The following AFG2A variants were observed in gnomAD, a reference collection of about 807,000 sequenced individuals.
AFG2A encodes the protein AAA ATPase AFG2A, also known as ATPase family gene 2 protein homolog A.
At chr4:123,173,324 G>T in the AFG2A span, among the ~76,000 whole-genome samples, 1 of 133,464 alleles carries the variant, frequency 7.5e-6, no homozygotes, top group Non-Finnish European at 1.6e-5. Flanking sequence ...ATCAAATTTA[G>T]TGAATAAGTC....
the AFG2A span, among the ~76,000 whole-genome samples, chr4:122,946,432 C>G: frequency 6.6e-6 from 1 of 152,194 alleles, no homozygotes; most frequent in Admixed American, 6.5e-5. Context: ...TTTTGTACTT[C>G]TAAACTTATA....
the AFG2A span, among the ~76,000 whole-genome samples, chr4:123,064,653 G>A: frequency 2.6e-5 from 4 of 152,150 alleles, no homozygotes; most frequent in Non-Finnish European, 4.4e-5. Context: ...TCTGACTGAC[G>A]AAATGAGTAC....
the AFG2A span, among the ~76,000 whole-genome samples, chr4:122,942,441 C>T: frequency 2.0e-5 from 3 of 151,446 alleles, no homozygotes; most frequent in East Asian, 5.8e-4. Flanking sequence ...GTAGTATTCT[C>T]TGATGGTAGT....
the AFG2A span, among the ~76,000 whole-genome samples, chr4:123,018,355 A>G: frequency 5.6e-4 from 85 of 152,234 alleles, no homozygotes; most frequent in Non-Finnish European, 1.1e-3. Flanking sequence ...AATAATTTAG[A>G]CTATATTGTA....
the AFG2A span, among the ~76,000 whole-genome samples, chr4:123,252,483 A>AC: frequency 2.0e-5 from 3 of 152,042 alleles, no homozygotes; most frequent in Non-Finnish European, 4.4e-5. Context: ...TTCTTACGTG[A>AC]TTTTTTCCAA....
At chr4:123,134,034 A>G in the AFG2A span, among the ~76,000 whole-genome samples, 1 of 152,074 alleles carries the variant, frequency 6.6e-6, no homozygotes, top group Non-Finnish European at 1.5e-5. Context: ...TCTTTATTAG[A>G]TGTATGATTT....
chr4:123,229,160 C>T, the AFG2A span, among the ~76,000 whole-genome samples: 1 of 151,844 alleles, frequency 6.6e-6, no homozygotes, highest in Admixed American at 6.6e-5. Context: ...TATAAGTAGT[C>T]TAAGTGTTCT....
At chr4:122,926,512 C>G in the AFG2A span, among the ~76,000 whole-genome samples, 8 of 152,130 alleles carry the variant, frequency 5.3e-5, no homozygotes, top group Non-Finnish European at 1.0e-4. Context: ...AGATTTGCAC[C>G]TCATATAAGA....
the AFG2A span, among the ~76,000 whole-genome samples, chr4:123,019,164 A>G: frequency 6.6e-6 from 1 of 152,108 alleles, no homozygotes; most frequent in Non-Finnish European, 1.5e-5. Context: ...TCTCACAGTG[A>G]TCCTGAGACC....
the AFG2A span, among the ~76,000 whole-genome samples, chr4:123,131,453 T>C: frequency 6.6e-6 from 1 of 152,136 alleles, no homozygotes; most frequent in Non-Finnish European, 1.5e-5. Flanking sequence ...TCCAAAACTT[T>C]TTCATCATGG....
At chr4:123,077,043 GTTGTTTT>G in the AFG2A span, among the ~76,000 whole-genome samples, 1 of 71,902 alleles carries the variant, frequency 1.4e-5, no homozygotes, top group East Asian at 5.9e-4. Context: ...TTTTCCTGTT[GTTGTTTT>G]TTTTTTTTTT....
the AFG2A span, among the ~76,000 whole-genome samples, chr4:123,134,020 T>G: frequency 6.6e-6 from 1 of 152,208 alleles, no homozygotes; most frequent in Non-Finnish European, 1.5e-5. Flanking sequence ...TTTTAGATAT[T>G]AGCTCTTTAT....
At chr4:123,199,541 G>A in the AFG2A span, among the ~76,000 whole-genome samples, 32 of 134,372 alleles carry the variant, frequency 2.4e-4, no homozygotes, top group Non-Finnish European at 1.8e-4. Context: ...GCACGATCTC[G>A]GCTAACTGCA....
chr4:123,117,232 T>C, the AFG2A span, among the ~76,000 whole-genome samples: 1 of 152,044 alleles, frequency 6.6e-6, no homozygotes, highest in East Asian at 1.9e-4. Context: ...GGTATTTCTT[T>C]GTTCATTTCA....
At chr4:123,285,940 T>C in the AFG2A span, among the ~76,000 whole-genome samples, 95 of 152,308 alleles carry the variant, frequency 6.2e-4, no homozygotes, top group African/African-American at 2.2e-3. Flanking sequence ...GTGGTAGTGC[T>C]AATAGTGCTA....
the AFG2A span, among the ~76,000 whole-genome samples, chr4:123,169,095 T>G: frequency 6.6e-6 from 1 of 152,110 alleles, no homozygotes; most frequent in Non-Finnish European, 1.5e-5. Flanking sequence ...TCAATGCAGA[T>G]GGGGGGAAGG....
the AFG2A span, among the ~76,000 whole-genome samples, chr4:123,009,375 A>G: frequency 6.6e-6 from 1 of 152,248 alleles, no homozygotes; most frequent in African/African-American, 2.4e-5. Flanking sequence ...AGCATTCACC[A>G]TAAATCACAC....
the AFG2A span, among the ~76,000 whole-genome samples, chr4:122,952,376 G>A: frequency 2.6e-5 from 4 of 152,180 alleles, no homozygotes; most frequent in South Asian, 2.1e-4. Flanking sequence ...ATCCTTCTTC[G>A]TGGATTAGTC....
chr4:123,201,022 T>C, the AFG2A span, among the ~76,000 whole-genome samples: 1 of 152,214 alleles, frequency 6.6e-6, no homozygotes, highest in Admixed American at 6.5e-5. Context: ...TTTAATAAAA[T>C]AAGCTAAGAA....
Sources: gnomAD v4.1 joint callset for allele counts (sites outside exome capture counted in the v4.1 genomes callset) on GRCh38, gnomAD v4.1.1 for gene constraint, MANE v1.5 for transcripts, NCBI Gene and HGNC (gene_info 2026-07-23, HGNC 2026-07-21) for gene names.